Variants in TNRC6B observed in about 807,000 individuals in gnomAD.
The protein encoded by TNRC6B is trinucleotide repeat containing adaptor 6B.
TNRC6B carries 52 observed loss-of-function variants against 203.6 expected under a neutral mutation model. The ratio of observed to expected loss-of-function variants is 0.26; its 90% CI spans 0.20 to 0.32. TNRC6B has a LOEUF of 0.32. TNRC6B is among the 10% of genes least tolerant of loss of function. The pLI, the probability that TNRC6B is intolerant of heterozygous loss-of-function variation, is 1.00. For synonymous variants in TNRC6B, 838 were observed against 845.7 expected, an observed-to-expected ratio of 0.99 and a Z score of 0.16; for missense variants, 1,923 against 2,286.2, an observed-to-expected ratio of 0.84 and a Z score of 3.24.
intron 12 of TNRC6B, among the ~76,000 whole-genome samples, chr22:40,300,001 G>A (rs1009467198): frequency 1.3e-5 from 2 of 152,194 alleles, no homozygotes; most frequent in Non-Finnish European, 1.5e-5. Context: ...CAGAAGCCAT[G>A]CATTGAAACT....
In TNRC6B at chr22:40,143,330, G is replaced by C. The variant is rs1336132347; in HGVS notation, c.46-12785G>C. Among the ~76,000 whole-genome samples the C allele has an allele frequency of 4.0e-4, 61 of 152,078 alleles. 1 individual carries two copies. The highest frequency in any genetic ancestry group is 8.8e-5 in the Non-Finnish European group (6 of 68,014). ...CTCCTGTAGTCCTAGCTGCCCAGGA[G>C]GCTAAGGTGGAAGGATCACTTAAGC... On this transcript the variant is annotated intron_variant, in intron 3 of 23. Transcript: ENST00000301923.
At chr22:40,128,854 A>G (rs974946293) in intron 3 of TNRC6B, among the ~76,000 whole-genome samples, 4 of 152,128 alleles carry the variant, frequency 2.6e-5, no homozygotes, top group African/African-American at 7.2e-5. Flanking sequence ...ACGTGTTATC[A>G]TGGGATACAA....
At chr22:40,296,920 C>T (rs2072409949) in intron 12 of TNRC6B, among the ~76,000 whole-genome samples, 1 of 152,142 alleles carries the variant, frequency 6.6e-6, no homozygotes, top group Non-Finnish European at 1.5e-5. Flanking sequence ...TGTCAGCCAC[C>T]ATGTCCAGCC....
intron 4 of TNRC6B, among the ~76,000 whole-genome samples, chr22:40,157,022 G>T (rs1366228344): frequency 6.6e-6 from 1 of 152,012 alleles, no homozygotes; most frequent in East Asian, 1.9e-4. Context: ...TGGTCTGCCT[G>T]CCTCGGCCTC....
chr22:40,133,791 A>T (rs938280449), intron 3 of TNRC6B, among the ~76,000 whole-genome samples: 2 of 151,900 alleles, frequency 1.3e-5, no homozygotes. Flanking sequence ...CGACATGGAG[A>T]AACCCTGTCT....
intron 1 of TNRC6B, among the ~76,000 whole-genome samples, chr22:40,089,242 C>CT (rs1323563540): frequency 1.1e-4 from 16 of 150,116 alleles, no homozygotes; most frequent in East Asian, 3.9e-4. Flanking sequence ...CTTTTTTTTT[C>CT]TTTTTTTTGA....
rs1306001144 is a variant in TNRC6B at position 40,313,006 on chromosome 22, G to T, written c.4678+9G>T. Reference sequence around the variant, plus strand: ...CGTTCATAGCACTTCAGGTATGAGTGTGAATTTTTTGTTTCCCTTTGGTTA... The same window carrying T: ...CGTTCATAGCACTTCAGGTATGAGTTTGAATTTTTTGTTTCCCTTTGGTTA... On this transcript the variant is annotated intron_variant, in intron 19 of 22. Transcript: ENST00000454349. The T allele has an allele frequency of 1.4e-5, 22 of 1,610,024 alleles. No homozygotes were observed. Among genetic ancestry groups the T allele is most frequent in the Non-Finnish European group, 1.7e-5 (20 of 1,177,384 alleles).
chr22:40,147,540 T>C (rs1325249622), intron 3 of TNRC6B, among the ~76,000 whole-genome samples: 1 of 152,202 alleles, frequency 6.6e-6, no homozygotes, highest in Non-Finnish European at 1.5e-5. Flanking sequence ...CAATCCCTGC[T>C]TCTAAGAGGG....
chr22:40,165,802 A>G (rs1231162753), intron 4 of TNRC6B, among the ~76,000 whole-genome samples: 10 of 152,148 alleles, frequency 6.6e-5, no homozygotes, highest in African/African-American at 2.4e-4. Flanking sequence ...AGAACTCACT[A>G]TCACAAGAAC....
At chr22:40,269,887 C>CAAAA (rs34314387) in intron 5 of TNRC6B, among the ~76,000 whole-genome samples, 3 of 77,580 alleles carry the variant, frequency 3.9e-5, no homozygotes, top group African/African-American at 5.5e-5. Flanking sequence ...GACTCTGTCT[C>CAAAA]AAAAAAAAAA....
At chr22:40,224,521 C>T (rs2069757420) in intron 1 of TNRC6B, among the ~76,000 whole-genome samples, 1 of 152,140 alleles carries the variant, frequency 6.6e-6, no homozygotes. Context: ...TTTCCCCCAG[C>T]AACAATGACC....
chr22:40,176,165 C>A (rs943417985), upstream of TNRC6B, among the ~76,000 whole-genome samples: 1 of 148,970 alleles, frequency 6.7e-6, no homozygotes. Context: ...ACTCTTGCTG[C>A]CCAGTCTGGA....
chr22:40,215,431 A>T (rs2146427576), intron 1 of TNRC6B, among the ~76,000 whole-genome samples: 1 of 152,276 alleles, frequency 6.6e-6, no homozygotes. Context: ...GGGGCAGGAG[A>T]GGGTGACTGC....
chr22:40,223,869 A>G (rs1395240165), intron 1 of TNRC6B, among the ~76,000 whole-genome samples: 1 of 152,180 alleles, frequency 6.6e-6, no homozygotes, highest in Non-Finnish European at 1.5e-5. Flanking sequence ...GCACCCGTTT[A>G]TATTCTCATC....
At chr22:40,122,558 T>C (rs2068455504) in intron 2 of TNRC6B, among the ~76,000 whole-genome samples, 2 of 152,168 alleles carry the variant, frequency 1.3e-5, no homozygotes, top group South Asian at 4.1e-4. Flanking sequence ...AGGGCTGAGC[T>C]CCACCTACGT....
chr22:40,292,762 A>G (rs1031397254), intron 12 of TNRC6B, among the ~76,000 whole-genome samples: 13 of 152,208 alleles, frequency 8.5e-5, no homozygotes, highest in African/African-American at 3.1e-4. Context: ...GTACATTTGC[A>G]ATCCTAAGAA....
rs2070456397 is a variant in TNRC6B at position 40,265,132 on chromosome 22, A to G, written c.902A>G (p.Asn301Ser). ...ATTGGACCTGGCTCTGGCTTCAGCA[A>G]CTTTAACCCAAATAGCAACCCATCT... ...DRIGPGSGFS[N>S]FNPNSNPSAW... is the part of the protein sequence containing the mutation. The change falls in exon 5 of 23, where the codon AAC becomes AGC. Residue 301 changes from asparagine to serine, a missense_variant. Physicochemically the swap from Asn to Ser is conservative, Grantham distance 46. This residue lies in a region of TNRC6B where 614 missense variants were observed against 587.7 expected (regional missense o/e 1.04). Transcript: ENST00000454349. 1.9e-6 allele frequency: 3 copies of G among 1,614,002 alleles called. No individual in the cohort carries two copies. The highest frequency in any genetic ancestry group is 1.1e-5 in the South Asian group (1 of 91,086).
Position 40,335,368 on chromosome 22 carries a change from AAAAC to A in TNRC6B, c.*12134_*12137del, listed in dbSNP as rs541066012. ...ACTTAAAATCACTGGTTCACTTAAA[AAAAC>A]AAACAATAAAATGTTAAACTCTACT... On this transcript the variant is annotated 3_prime_UTR_variant, in exon 23 of 23. Transcript: ENST00000454349. 169 of 151,876 alleles carry A rather than the reference AAAAC, an allele frequency of 1.1e-3. No individual in the cohort carries two copies. The highest frequency in any genetic ancestry group is 6.9e-4 in the Non-Finnish European group (47 of 67,888). The allele number at this position is 151,876 out of a possible 1,614,324, so 9.4% of individuals were successfully genotyped here.
chr22:40,259,600 C>G (rs1190179345), intron 3 of TNRC6B, among the ~76,000 whole-genome samples: 1 of 152,186 alleles, frequency 6.6e-6, no homozygotes, highest in Non-Finnish European at 1.5e-5. Flanking sequence ...TCCCCCTCCC[C>G]TTACTGGGAG....
Sources: gnomAD v4.1 joint callset for allele counts (sites outside exome capture counted in the v4.1 genomes callset) on GRCh38, gnomAD v4.1.1 for gene constraint, gnomAD v4.1.1 regional missense constraint, MANE v1.5 for transcripts, NCBI Gene and HGNC (gene_info 2026-07-23, HGNC 2026-07-21) for gene names.